The following ADAMTS14 variants were observed in gnomAD, a reference collection of about 807,000 sequenced individuals.
ADAMTS14 encodes the protein A disintegrin and metalloproteinase with thrombospondin motifs 14.
Under a neutral mutation model 128.6 loss-of-function variants are expected in ADAMTS14, and 100 were observed. The observed-to-expected ratio is 0.78, with a 90% CI of 0.66 to 0.92. ADAMTS14 has a LOEUF of 0.92. Among genes scored for constraint, ADAMTS14 ranks in the 40% least tolerant of loss-of-function variants. ADAMTS14 has a pLI of 0.00. For synonymous variants in ADAMTS14, 665 were observed against 653.8 expected (o/e 1.02, Z -0.26); for missense variants, 1,562 against 1,658.6 (o/e 0.94, Z 1.01).
chr10:70,709,548 C>T (rs1018947984), intron 4 of ADAMTS14, among the ~76,000 whole-genome samples: 11 of 117,334 alleles, frequency 9.4e-5, no homozygotes, highest in East Asian at 3.2e-4. Context: ...TCACTCAGGT[C>T]GGAGTGCAAT....
At chr10:70,676,077 C>G (rs527746396) in intron 2 of ADAMTS14, among the ~76,000 whole-genome samples, 2 of 152,166 alleles carry the variant, frequency 1.3e-5, no homozygotes, top group East Asian at 3.9e-4. Context: ...TCATGATGTA[C>G]CCCTAAATGT....
At position 70,682,080 on chromosome 10, in the gene ADAMTS14, A is replaced by G. The variant is rs74719394; in HGVS notation, c.522+7085A>G. Among the ~76,000 whole-genome samples, 245 of 152,280 alleles carry G rather than the reference A, an allele frequency of 1.6e-3. 1 individual carries two copies. In the East Asian group the frequency reaches 0.019, roughly 12 times the overall value. ...ACTTGATGTATGTCCCATTTCAACT[A>G]CCAGTTCCTAGAAATCAGAGACTGT... On this transcript the variant is annotated intron_variant, in intron 2 of 21. Coordinates refer to ENST00000373207, the MANE Select transcript of ADAMTS14 (RefSeq NM_080722.4).
chr10:70,678,099 A>C (rs901515960), intron 2 of ADAMTS14, among the ~76,000 whole-genome samples: 26 of 152,364 alleles, frequency 1.7e-4, no homozygotes, highest in African/African-American at 6.0e-4. Flanking sequence ...CACAGCATGC[A>C]TATGTGTATG....
intron 4 of ADAMTS14, among the ~76,000 whole-genome samples, chr10:70,712,978 C>T (rs1840908633): frequency 6.6e-6 from 1 of 152,224 alleles, no homozygotes; most frequent in Non-Finnish European, 1.5e-5. Context: ...CTGCCACCTG[C>T]TCCTCACTTC....
At position 70,756,611 on chromosome 10, in the gene ADAMTS14, A is replaced by G. The variant is rs111385899; in HGVS notation, c.2938-1351A>G. ...GGGTTTTATTAGAAAGAGACATGAT[A>G]TGTATTGTGTTGAACACCAACTCAT... On this transcript the variant is annotated intron_variant, in intron 19 of 21. Coordinates refer to ENST00000373207, the MANE Select transcript of ADAMTS14 (RefSeq NM_080722.4). Among the ~76,000 whole-genome samples the G allele has an allele frequency of 2.4e-3, 373 of 152,340 alleles. 1 individual carries two copies. Among genetic ancestry groups the G allele is most frequent in the African/African-American group, 8.7e-3 (360 of 41,584 alleles).
chr10:70,721,253 G>A (rs1019107561), intron 4 of ADAMTS14, among the ~76,000 whole-genome samples: 4 of 151,906 alleles, frequency 2.6e-5, no homozygotes, highest in African/African-American at 9.7e-5. Flanking sequence ...TCCAACTCCT[G>A]ACCTTGTGAT....
At position 70,761,384 on chromosome 10, in the gene ADAMTS14, G is replaced by C. The variant is rs74437787; in HGVS notation, c.*531G>C. On this transcript the variant is annotated 3_prime_UTR_variant, in exon 22 of 22. Transcript: ENST00000373207. Reference sequence around the variant, plus strand: ...AGGCTTCCCAGCTGCAGGGCTGGAGGGGGTGGAACACAAGGTGATCGCAGG... The same window carrying C: ...AGGCTTCCCAGCTGCAGGGCTGGAGCGGGTGGAACACAAGGTGATCGCAGG... 5,222 of 153,052 alleles carry C rather than the reference G, an allele frequency of 0.034. 262 individuals carry two copies. Among genetic ancestry groups the C allele is most frequent in the Admixed American group, 0.12 (1,890 of 15,392 alleles). The allele number at this position is 153,052 out of a possible 1,614,324, so 9.5% of individuals were successfully genotyped here. A position where few individuals can be genotyped will look rare whatever the true frequency, so the allele number is the denominator to read the frequency against.
At chr10:70,758,130 T>G in intron 20 of ADAMTS14, 39 bp downstream of exon 20, 1 of 1,612,658 alleles carries the variant, frequency 6.2e-7, no homozygotes, top group Non-Finnish European at 8.5e-7. Context: ...TCCAGTCCCT[T>G]GGGCCAAAGT....
intron 15 of ADAMTS14, 33 bp downstream of exon 15, chr10:70,745,339 G>C (rs1273411457): frequency 6.2e-7 from 1 of 1,608,212 alleles, no homozygotes; most frequent in Non-Finnish European, 8.5e-7. Flanking sequence ...GGGACAGCAG[G>C]GCCCCAGGCC....
intron 19 of ADAMTS14, among the ~76,000 whole-genome samples, chr10:70,754,681 A>C (rs891261433): frequency 6.6e-6 from 1 of 152,204 alleles, no homozygotes; most frequent in Non-Finnish European, 1.5e-5. Flanking sequence ...GCGGGGGTCC[A>C]TGGCTACGGG....
intron 15 of ADAMTS14, among the ~76,000 whole-genome samples, chr10:70,746,638 T>G (rs968964264): frequency 1.3e-5 from 2 of 152,142 alleles, no homozygotes; most frequent in African/African-American, 4.8e-5. Context: ...TGAAATCCCA[T>G]CTCTACAAAA....
In ADAMTS14 at chr10:70,760,518, C is replaced by A. The variant is rs138210376; in HGVS notation, c.3337C>A (p.Pro1113Thr). The change falls in exon 22 of 22, where the codon CCC (proline) becomes ACC (threonine). Residue 1113 changes from proline to threonine, a missense_variant. Physicochemically the swap from Pro to Thr is conservative, Grantham distance 38 (BLOSUM62 -1). Transcript: ENST00000373207. ...GPDPGPTSLPPFSTPGSPLPG... is the reference protein window; with the variant it reads ...GPDPGPTSLPTFSTPGSPLPG... ...AGACCCTGGCCCAACCTCACTGCCC[C>A]CCTTCTCCACTCCTGGAAGCCCCTT... 6.2e-7 allele frequency: 1 copy of A among 1,613,676 alleles called. No homozygotes were observed. The highest frequency in any genetic ancestry group is 8.5e-7 in the Non-Finnish European group (1 of 1,179,912).
intron 12 of ADAMTS14, among the ~76,000 whole-genome samples, chr10:70,741,438 A>T (rs1345860033): frequency 6.6e-6 from 1 of 152,206 alleles, no homozygotes; most frequent in Non-Finnish European, 1.5e-5. Flanking sequence ...TGTCTTGAGG[A>T]AGGGACACTT....
Position 70,752,207 on chromosome 10 carries a change from G to A in ADAMTS14, c.2709G>A (p.Gln903=), listed in dbSNP as rs771308623. ...AGCCCATCCGCCGGCGCTGCAACCA[G>A]CACCCGTGCTCTCAGCCTGTGTGAG... ...RPKPIRRRCN[Q]HPCSQPVWVT... The change falls in exon 18 of 22, where the codon CAG becomes CAA. Residue 903 remains glutamine (Q), a synonymous_variant. Coordinates refer to ENST00000373207, the MANE Select transcript of ADAMTS14 (RefSeq NM_080722.4). 3.1e-6 allele frequency: 5 copies of A among 1,613,752 alleles called. No individual in the cohort carries two copies. Among genetic ancestry groups the A allele is most frequent in the Non-Finnish European group, 3.4e-6 (4 of 1,179,944 alleles).
intron 14 of ADAMTS14, among the ~76,000 whole-genome samples, chr10:70,744,757 T>C (rs1842124340): frequency 6.6e-6 from 1 of 152,144 alleles, no homozygotes; most frequent in African/African-American, 2.4e-5. Flanking sequence ...CTTTGATTGT[T>C]GGGGACAAGG....
At chr10:70,677,860 G>A (rs1839693483) in intron 2 of ADAMTS14, among the ~76,000 whole-genome samples, 1 of 152,202 alleles carries the variant, frequency 6.6e-6, no homozygotes, top group South Asian at 2.1e-4. Flanking sequence ...GCTCACCTTT[G>A]GACTCAAAGG....
At position 70,672,864 on chromosome 10, in the gene ADAMTS14, C is replaced by T. The variant is rs760571652; in HGVS notation, c.62C>T (p.Ala21Val). 1.3e-5 allele frequency: 19 copies of T among 1,501,750 alleles called. No homozygotes were observed. The highest frequency in any genetic ancestry group is 1.6e-5 in the Non-Finnish European group (18 of 1,131,232). The allele number at this position is 1,501,750 out of a possible 1,614,324, so 93.0% of individuals were successfully genotyped here. Residue 21 changes from alanine (A) to valine (V), a missense_variant, in exon 1 of 22, where the codon GCC (alanine) becomes GTC (valine). By Grantham distance (64) the Ala-to-Val change is moderately conservative. Transcript: ENST00000373207. ...LLPLHCALCA[A>V]AGSRTPELHL... ...CCTTTGCACTGTGCGCTCTGCGCCG[C>T]CGCGGGCAGCCGGACCCCAGGTGCG...
intron 16 of ADAMTS14, among the ~76,000 whole-genome samples, chr10:70,750,409 A>G (rs948171416): frequency 1.6e-4 from 25 of 152,144 alleles, no homozygotes; most frequent in Non-Finnish European, 2.9e-5. Context: ...TGAAAAGGGG[A>G]CAAGAGCCTG....
intron 2 of ADAMTS14, among the ~76,000 whole-genome samples, chr10:70,693,170 T>C (rs1840238700): frequency 6.6e-6 from 1 of 152,098 alleles, no homozygotes; most frequent in South Asian, 2.1e-4. Flanking sequence ...ACCAAGGAGA[T>C]CGTGCTAAAC....
Sources: allele counts gnomAD v4.1 joint callset (sites outside exome capture counted in the v4.1 genomes callset), GRCh38; gene constraint gnomAD v4.1.1; transcripts MANE v1.5; gene names NCBI Gene and HGNC (gene_info 2026-07-23, HGNC 2026-07-21).